SEZ6L: variants seen among roughly 807,000 people sequenced by gnomAD.
SEZ6L encodes seizure related 6 homolog like, also known as seizure 6-like protein.
Under a neutral mutation model 106.2 loss-of-function variants are expected in SEZ6L, and 37 were observed. The observed-to-expected ratio is 0.35, with a 90% CI of 0.27 to 0.46. The LOEUF (loss-of-function observed/expected upper bound fraction) is 0.46. SEZ6L is among the 20% of genes least tolerant of loss of function. The pLI, the probability that SEZ6L is intolerant of heterozygous loss-of-function variation, is 1.00. For synonymous variants in SEZ6L, 541 were observed against 570.4 expected (o/e 0.95, Z 0.73); for missense variants, 1,172 against 1,332.8 (o/e 0.88, Z 1.88).
intron 1 of SEZ6L, among the ~76,000 whole-genome samples, chr22:26,255,712 G>T (rs1462983550): frequency 6.6e-6 from 1 of 152,216 alleles, no homozygotes. Context: ...CATAGCAAAA[G>T]CATCCCCAGA....
At position 26,337,048 on chromosome 22, in the gene SEZ6L, G is replaced by T. The variant is rs1239580721; in HGVS notation, c.2016-3388G>T. On this transcript the variant is annotated intron_variant, in intron 9 of 16. Coordinates refer to ENST00000248933, the MANE Select transcript of SEZ6L (RefSeq NM_021115.5). The stretch of plus-strand genomic sequence containing the variant: ...TCACCGAGCTTGCCCAGGTGCTAAT[G>T]CTGAAGCTGGAATTTGAATCCAGAC... 5.3e-5 allele frequency among the ~76,000 whole-genome samples: 8 copies of T among 152,038 alleles called. No homozygotes were observed. In the East Asian group the frequency reaches 1.5e-3, roughly 29 times the overall value.
At position 26,361,506 on chromosome 22, in the gene SEZ6L, CAAAAAAA is replaced by C. The variant is rs530265526; in HGVS notation, c.2600-3857_2600-3851del. Among the ~76,000 whole-genome samples, 85 of 130,684 alleles carry C rather than the reference CAAAAAAA, an allele frequency of 6.5e-4. 1 individual carries two copies. Among genetic ancestry groups the C allele is most frequent in the African/African-American group, 2.2e-3 (80 of 35,756 alleles). The allele number at this position is 130,684 out of a possible 152,430, so 85.7% of individuals were successfully genotyped here. On this transcript the variant is annotated intron_variant, in intron 12 of 16. Coordinates refer to ENST00000248933, the MANE Select transcript of SEZ6L (RefSeq NM_021115.5). ...TGAGTGACAGAGTGAGACTCTGTCT[CAAAAAAA>C]AAAAAAAATATATATATATATATAT...
intron 1 of SEZ6L, among the ~76,000 whole-genome samples, chr22:26,182,696 C>T (rs1038798617): frequency 6.6e-6 from 1 of 151,846 alleles, no homozygotes; most frequent in Non-Finnish European, 1.5e-5. Context: ...GGGAATTCAA[C>T]GAGGAGCATT....
At chr22:26,278,252 C>G (rs2080619053) in intron 1 of SEZ6L, among the ~76,000 whole-genome samples, 1 of 152,130 alleles carries the variant, frequency 6.6e-6, no homozygotes, top group South Asian at 2.1e-4. Context: ...AACAGTTGCT[C>G]TGGGAATAAT....
At chr22:26,345,379 C>T (rs1353943192) in intron 10 of SEZ6L, among the ~76,000 whole-genome samples, 1 of 152,194 alleles carries the variant, frequency 6.6e-6, no homozygotes, top group Non-Finnish European at 1.5e-5. Context: ...GGAGGTCCCA[C>T]GGGAGCGTGC....
chr22:26,206,403 T>G (rs1941274387), intron 1 of SEZ6L, among the ~76,000 whole-genome samples: 1 of 152,252 alleles, frequency 6.6e-6, no homozygotes, highest in Admixed American at 6.5e-5. Flanking sequence ...GCTTACTATA[T>G]GCCAGCCACT....
chr22:26,354,044 C>T (rs1242813900), intron 12 of SEZ6L, among the ~76,000 whole-genome samples: 4 of 151,506 alleles, frequency 2.6e-5, no homozygotes, highest in Admixed American at 6.6e-5. Flanking sequence ...AGAGTGTCTT[C>T]GACATCCTAA....
At chr22:26,277,085 T>C (rs572019167) in intron 1 of SEZ6L, among the ~76,000 whole-genome samples, 6 of 150,972 alleles carry the variant, frequency 4.0e-5, no homozygotes, top group Admixed American at 6.6e-5. Context: ...ATAATTACTC[T>C]TGTAGCCGAA....
intron 1 of SEZ6L, among the ~76,000 whole-genome samples, chr22:26,171,308 T>C (rs1178882287): frequency 6.6e-6 from 1 of 152,200 alleles, no homozygotes; most frequent in Non-Finnish European, 1.5e-5. Flanking sequence ...CAGCATGGCC[T>C]TTCTTAATTA....
intron 1 of SEZ6L, among the ~76,000 whole-genome samples, chr22:26,221,397 A>G (rs771767173): frequency 1.3e-5 from 2 of 152,176 alleles, no homozygotes; most frequent in Non-Finnish European, 2.9e-5. Context: ...TCACAGGCCT[A>G]TAGGAGGAAA....
chr22:26,174,243 C>A (rs898500874), intron 1 of SEZ6L, among the ~76,000 whole-genome samples: 1 of 152,154 alleles, frequency 6.6e-6, no homozygotes, highest in African/African-American at 2.4e-5. Flanking sequence ...AGCATTTGAA[C>A]TGGCCCTGAA....
At chr22:26,296,660 G>A (rs2081309486) in intron 3 of SEZ6L, among the ~76,000 whole-genome samples, 1 of 152,242 alleles carries the variant, frequency 6.6e-6, no homozygotes, top group Non-Finnish European at 1.5e-5. Flanking sequence ...CCCTTGCAAT[G>A]CCTCTGCCTT....
chr22:26,383,268 A>C lies in SEZ6L; in HGVS notation c.*2973A>C, dbSNP rs1027786641. 1 of 152,074 alleles carries C rather than the reference A, an allele frequency of 6.6e-6. No individual in the cohort carries two copies. The highest frequency in any genetic ancestry group is 6.5e-5 in the Admixed American group (1 of 15,270). 9.4% of individuals were successfully genotyped at this position (152,074 alleles called of 1,614,324 possible). On this transcript the variant is annotated 3_prime_UTR_variant, in exon 17 of 17. Transcript: ENST00000248933. ...CCAGAAGGAAGCAAAGCATCTGCAT[A>C]ATCAGGAGGGTTGTATAACAAGTAG...
At chr22:26,370,899 G>A (rs2084010220) in intron 13 of SEZ6L, among the ~76,000 whole-genome samples, 1 of 151,330 alleles carries the variant, frequency 6.6e-6, no homozygotes, top group East Asian at 1.9e-4. Flanking sequence ...AACTACTTGG[G>A]AAGCTGAGGC....
rs189355139 is a variant in SEZ6L, at chr22:26,382,825, G to T, written c.*2530G>T. ...ATAAGATCAATATTAAAACCCATTG[G>T]GATTAAATATTTTTGAATAGGATAC... On this transcript the variant is annotated 3_prime_UTR_variant, in exon 17 of 17. Coordinates refer to ENST00000248933, the MANE Select transcript of SEZ6L (RefSeq NM_021115.5). 19 of 152,192 alleles carry T rather than the reference G, an allele frequency of 1.2e-4. No homozygotes were observed. Among genetic ancestry groups the T allele is most frequent in the African/African-American group, 4.6e-4 (19 of 41,530 alleles). 9.4% of individuals were successfully genotyped at this position (152,192 alleles called of 1,614,324 possible). A position where few individuals can be genotyped will look rare whatever the true frequency, so the allele number is the denominator to read the frequency against.
At chr22:26,194,167 C>T (rs1940430550) in intron 1 of SEZ6L, among the ~76,000 whole-genome samples, 1 of 152,160 alleles carries the variant, frequency 6.6e-6, no homozygotes, top group Non-Finnish European at 1.5e-5. Flanking sequence ...TAGGCAAGAA[C>T]TTTGGGGCTG....
Position 26,306,046 on chromosome 22 carries a change from C to T in SEZ6L, c.1416C>T (p.Asn472=). 1 of 1,605,900 alleles carries T rather than the reference C, an allele frequency of 6.2e-7. No individual in the cohort carries two copies. The highest frequency in any genetic ancestry group is 1.1e-5 in the South Asian group (1 of 90,944). ...TCCTCTCCCCAAGTTACCCTGAAAA[C>T]ACAAATGGGAGCCAATTCTGCATCT... The part of the protein sequence containing the change: ...GRVLSPSYPE[N]TNGSQFCIWT... Residue 472 remains asparagine, a synonymous_variant, in exon 6 of 17, where the codon AAC becomes AAT. Coordinates refer to ENST00000248933, the MANE Select transcript of SEZ6L (RefSeq NM_021115.5).
At chr22:26,199,857 G>A (rs1940814534) in intron 1 of SEZ6L, among the ~76,000 whole-genome samples, 1 of 152,214 alleles carries the variant, frequency 6.6e-6, no homozygotes, top group African/African-American at 2.4e-5. Context: ...CAGCTCTAGA[G>A]CACCTCCCAT....
intron 1 of SEZ6L, among the ~76,000 whole-genome samples, chr22:26,173,834 G>C (rs935033067): frequency 2.6e-5 from 4 of 152,170 alleles, no homozygotes; most frequent in South Asian, 2.1e-4. Flanking sequence ...GAGGGACAGA[G>C]AGCCCGGGTC....
Sources: allele counts gnomAD v4.1 joint callset (sites outside exome capture counted in the v4.1 genomes callset), GRCh38; gene constraint gnomAD v4.1.1; transcripts MANE v1.5; gene names NCBI Gene and HGNC (gene_info 2026-07-23, HGNC 2026-07-21).